SETX: variants seen among roughly 807,000 people sequenced by gnomAD.
SETX encodes the protein senataxin, also known as helicase senataxin.
SETX carries 90 observed loss-of-function variants against 227.2 expected under a neutral mutation model. The ratio of observed to expected loss-of-function variants is 0.40; its 90% CI spans 0.33 to 0.47. The LOEUF is 0.47. SETX is among the 20% of genes least tolerant of loss of function. The pLI is 0.91. For synonymous variants in SETX, 1,210 were observed against 1,113.2 expected (o/e 1.09, Z -1.73); for missense variants, 3,052 against 3,181.5 (o/e 0.96, Z 0.98).
chr9:132,346,286 A>C lies in SETX; in HGVS notation c.363T>G (p.Pro121=). The part of the protein sequence containing the change: ...RVPLLEILKY[P]YLLLHERVNE... ...TAACACGTTCATGTAGAAGCAAGTAAGGATATTTCAGTATTTCAAGAAGAG... is the reference window on the plus strand; with the variant it reads ...TAACACGTTCATGTAGAAGCAAGTACGGATATTTCAGTATTTCAAGAAGAG... Residue 121 remains proline (P), a synonymous_variant, in exon 4 of 26, where the codon CCT becomes CCG. Coordinates refer to ENST00000224140, the MANE Select transcript of SETX (RefSeq NM_015046.7). 6.2e-7 allele frequency: 1 copy of C among 1,613,920 alleles called. No homozygotes were observed. Among genetic ancestry groups the C allele is most frequent in the African/African-American group, 1.3e-5 (1 of 75,052 alleles).
At chr9:132,337,488 A>G (rs1008882885) in intron 5 of SETX, among the ~76,000 whole-genome samples, 2 of 152,098 alleles carry the variant, frequency 1.3e-5, no homozygotes, top group Non-Finnish European at 2.9e-5. Flanking sequence ...CTTCATAGTA[A>G]AAGTATTATT....
intron 15 of SETX, among the ~76,000 whole-genome samples, chr9:132,292,989 C>T (rs1177346953): frequency 6.6e-6 from 1 of 152,136 alleles, no homozygotes; most frequent in Non-Finnish European, 1.5e-5. Flanking sequence ...TAGACAAATA[C>T]AGTGTAACAA....
In SETX at chr9:132,281,480, G is replaced by A; in HGVS notation, c.6641C>T (p.Thr2214Ile). ...LVGDPKQLPPTVISMKAQEYG... is the reference protein window; with the variant it reads ...LVGDPKQLPPIVISMKAQEYG... ...TAAAAAACTTACCATAGAGATGACT[G>A]TCGGAGGGAGCTGCTTAGGATCTCC... The change falls in exon 20 of 26, where the codon ACA becomes ATA. Residue 2214 changes from threonine to isoleucine, a missense_variant. Coordinates refer to ENST00000224140, the MANE Select transcript of SETX (RefSeq NM_015046.7). 6.2e-7 allele frequency: 1 copy of A among 1,612,228 alleles called. No homozygotes were observed. Among genetic ancestry groups the A allele is most frequent in the Non-Finnish European group, 8.5e-7 (1 of 1,178,330 alleles).
chr9:132,292,415 C>CAAAAAAAAAAA (rs60253119), intron 15 of SETX, among the ~76,000 whole-genome samples: 7 of 61,068 alleles, frequency 1.1e-4, no homozygotes, highest in Admixed American at 1.9e-4. Context: ...AGCTGGGGTA[C>CAAAAAAAAAAA]AAAAAAAAAA....
intron 10 of SETX, among the ~76,000 whole-genome samples, chr9:132,313,161 T>C (rs1046356397): frequency 2.0e-5 from 3 of 152,180 alleles, no homozygotes; most frequent in East Asian, 1.9e-4. Flanking sequence ...GTTGTGGTGA[T>C]GGCTATACAA....
intron 10 of SETX, among the ~76,000 whole-genome samples, chr9:132,318,516 T>C (rs771861008): frequency 6.6e-6 from 1 of 152,120 alleles, no homozygotes; most frequent in Non-Finnish European, 1.5e-5. Context: ...TACTGATGAG[T>C]AGGGTAGAGA....
At chr9:132,286,339 C>T (rs1843887049) in intron 18 of SETX, 84 bp downstream of exon 18, 1 of 969,772 alleles carries the variant, frequency 1.0e-6, no homozygotes, top group South Asian at 1.4e-5. Flanking sequence ...TAAATAAAAG[C>T]CCATAGCTTG....
At chr9:132,285,119 C>T (rs1370939817) in intron 18 of SETX, among the ~76,000 whole-genome samples, 5 of 151,974 alleles carry the variant, frequency 3.3e-5, no homozygotes, top group African/African-American at 1.2e-4. Flanking sequence ...CCTCGTGATC[C>T]GCCCGCCTCG....
intron 25 of SETX, among the ~76,000 whole-genome samples, chr9:132,268,609 G>C (rs1461875619): frequency 2.0e-5 from 3 of 152,136 alleles, no homozygotes; most frequent in Non-Finnish European, 4.4e-5. Context: ...AAACAAGCAG[G>C]AATGGAAGTA....
intron 10 of SETX, among the ~76,000 whole-genome samples, chr9:132,312,952 A>G (rs1168441214): frequency 1.3e-5 from 2 of 152,216 alleles, no homozygotes; most frequent in African/African-American, 4.8e-5. Flanking sequence ...ATAGGCCTCA[A>G]AAAGATTACA....
At chr9:132,349,827 G>A (rs1848512004) in intron 2 of SETX, among the ~76,000 whole-genome samples, 1 of 152,132 alleles carries the variant, frequency 6.6e-6, no homozygotes, top group Non-Finnish European at 1.5e-5. Flanking sequence ...TTCATAAACT[G>A]AATGGACCTA....
intron 4 of SETX, among the ~76,000 whole-genome samples, chr9:132,344,474 G>T (rs1184495738): frequency 6.6e-6 from 1 of 152,194 alleles, no homozygotes; most frequent in Non-Finnish European, 1.5e-5. Flanking sequence ...GAAGAACTAT[G>T]TACCAAATGC....
chr9:132,317,561 A>T (rs1846053922), intron 10 of SETX, among the ~76,000 whole-genome samples: 2 of 152,048 alleles, frequency 1.3e-5, no homozygotes, highest in African/African-American at 4.8e-5. Context: ...TTCTCATGTT[A>T]AAGTAAATGT....
chr9:132,328,321 A>T lies in SETX; in HGVS notation c.3277T>A (p.Trp1093Arg). ...TTATTATCGTCTGGATGATCTTGCC[A>T]AACTGAAAACACTTCAGATGAACTT... ...FESSSEVFSV[W>R]QDHPDDNNSV... Residue 1093 changes from tryptophan (W) to arginine (R), a missense_variant, in exon 10 of 26, where the codon TGG becomes AGG. Trp to Arg is a moderately radical substitution (Grantham distance 101). Around this residue, in one of 10 missense-constraint regions of SETX, gnomAD observed 1,483 missense variants for 1,312.0 expected, o/e 1.13. Coordinates refer to ENST00000224140, the MANE Select transcript of SETX (RefSeq NM_015046.7). 6.2e-7 allele frequency: 1 copy of T among 1,614,052 alleles called. No individual in the cohort carries two copies. Among genetic ancestry groups the T allele is most frequent in the Non-Finnish European group, 8.5e-7 (1 of 1,180,008 alleles).
chr9:132,263,832 T>G lies in SETX; in HGVS notation c.*407A>C, dbSNP rs1589595066. 3 of 187,474 alleles carry G rather than the reference T, an allele frequency of 1.6e-5. No individual in the cohort carries two copies. The highest frequency in any genetic ancestry group is 9.5e-5 in the South Asian group (1 of 10,518). 11.6% of individuals were successfully genotyped at this position (187,474 alleles called of 1,614,324 possible). A position where few individuals can be genotyped will look rare whatever the true frequency, so the allele number is the denominator to read the frequency against. On this transcript the variant is annotated 3_prime_UTR_variant, in exon 26 of 26. Transcript: ENST00000224140. ...TCTTTTTTTTTTTGGTAATATAAAG[T>G]TTGTTCTGTTGAAAACTGATTAACA... is the stretch of plus-strand genomic sequence containing the variant.
chr9:132,349,513 C>T, intron 2 of SETX, 78 bp from the exon 3 acceptor site: 2 of 1,427,360 alleles, frequency 1.4e-6, no homozygotes, highest in Admixed American at 1.8e-5. Context: ...ACACTTTCAA[C>T]TTGTGACCCT....
chr9:132,284,697 T>C (rs747901797), intron 18 of SETX, among the ~76,000 whole-genome samples: 5 of 152,176 alleles, frequency 3.3e-5, no homozygotes, highest in Non-Finnish European at 5.9e-5. Flanking sequence ...AACCCAAGAA[T>C]TGCAAAAAAC....
chr9:132,324,732 T>C (rs532460518), intron 10 of SETX, among the ~76,000 whole-genome samples: 2 of 152,328 alleles, frequency 1.3e-5, no homozygotes, highest in South Asian at 4.1e-4. Context: ...ACTTGGCACA[T>C]ACTAGGCACT....
At chr9:132,336,537 T>C (rs759235957) in intron 5 of SETX, 22 bp from the exon 6 acceptor site, 2 of 1,519,934 alleles carry the variant, frequency 1.3e-6, no homozygotes, top group Admixed American at 3.3e-5. Context: ...ATATATTTAT[T>C]ACTTAATTCA....
Sources: gnomAD v4.1 joint callset for allele counts (sites outside exome capture counted in the v4.1 genomes callset) on GRCh38, gnomAD v4.1.1 for gene constraint, gnomAD v4.1.1 regional missense constraint, MANE v1.5 for transcripts, NCBI Gene and HGNC (gene_info 2026-07-23, HGNC 2026-07-21) for gene names.